POFUT3: variants seen among roughly 807,000 people sequenced by gnomAD.
The protein encoded by POFUT3 is GDP-fucose protein O-fucosyltransferase 3.
chr8:33,362,658 T>C, the POFUT3 span, among the ~76,000 whole-genome samples: 1 of 149,070 alleles, frequency 6.7e-6, no homozygotes, highest in Non-Finnish European at 1.5e-5. Context: ...CCAACAGAGA[T>C]CAAAAGAGAC....
chr8:33,342,214 A>G, the POFUT3 span, among the ~76,000 whole-genome samples: 1 of 152,030 alleles, frequency 6.6e-6, no homozygotes, highest in African/African-American at 2.4e-5. Flanking sequence ...AAAATTAGCC[A>G]GGTGTGATGG....
At chr8:33,426,163 C>T in the POFUT3 span, among the ~76,000 whole-genome samples, 2 of 152,102 alleles carry the variant, frequency 1.3e-5, no homozygotes, top group Middle Eastern at 3.2e-3. Context: ...CCTCAGCCTC[C>T]CAAAGTGGTG....
At chr8:33,396,654 A>G in the POFUT3 span, among the ~76,000 whole-genome samples, 2 of 152,250 alleles carry the variant, frequency 1.3e-5, no homozygotes, top group Non-Finnish European at 2.9e-5. Context: ...TCCTTTTAAG[A>G]AAGAAACCAT....
the POFUT3 span, among the ~76,000 whole-genome samples, chr8:33,391,609 G>A: frequency 6.6e-6 from 1 of 152,196 alleles, no homozygotes; most frequent in Non-Finnish European, 1.5e-5. Context: ...TAAGCTGGCT[G>A]AGAGGCCAAT....
chr8:33,401,728 A>C, the POFUT3 span, among the ~76,000 whole-genome samples: 1 of 152,084 alleles, frequency 6.6e-6, no homozygotes, highest in African/African-American at 2.4e-5. Context: ...GCAAAATGCA[A>C]ATTATGAAAA....
At chr8:33,325,858 C>T in the POFUT3 span, among the ~76,000 whole-genome samples, 1 of 152,106 alleles carries the variant, frequency 6.6e-6, no homozygotes, top group Non-Finnish European at 1.5e-5. Context: ...TGGCTTTAAT[C>T]CAGCCCCCTC....
the POFUT3 span, chr8:33,452,150 T>G: frequency 6.6e-6 from 1 of 152,174 alleles, no homozygotes; most frequent in East Asian, 1.9e-4. Flanking sequence ...TGTTTATGTA[T>G]GTATACGTGT....
At chr8:33,329,550 C>A in the POFUT3 span, among the ~76,000 whole-genome samples, 1 of 152,156 alleles carries the variant, frequency 6.6e-6, no homozygotes, top group Non-Finnish European at 1.5e-5. Flanking sequence ...CTGCTCAATA[C>A]TGCAAAGGGA....
At chr8:33,438,793 C>T in the POFUT3 span, among the ~76,000 whole-genome samples, 4 of 151,956 alleles carry the variant, frequency 2.6e-5, no homozygotes, top group Admixed American at 6.6e-5. Context: ...GAGAGCCGAG[C>T]GAAAGGGGAA....
the POFUT3 span, among the ~76,000 whole-genome samples, chr8:33,432,375 C>T: frequency 1.5e-3 from 227 of 150,940 alleles, no homozygotes; most frequent in African/African-American, 5.3e-3. Flanking sequence ...CCACTGCACT[C>T]CAACCTGGGC....
the POFUT3 span, among the ~76,000 whole-genome samples, chr8:33,402,203 A>G: frequency 7.0e-4 from 107 of 152,322 alleles, no homozygotes; most frequent in African/African-American, 2.4e-3. Flanking sequence ...ACAGAAGTCA[A>G]TAGTGAATAT....
chr8:33,362,790 G>A, the POFUT3 span, among the ~76,000 whole-genome samples: 334 of 152,104 alleles, frequency 2.2e-3, 1 homozygote, highest in African/African-American at 7.2e-3. Flanking sequence ...AGAGACCTAC[G>A]AAGAGACTTA....
the POFUT3 span, among the ~76,000 whole-genome samples, chr8:33,358,390 A>T: frequency 1.3e-5 from 2 of 152,372 alleles, no homozygotes; most frequent in Non-Finnish European, 2.9e-5. Flanking sequence ...CTAGATTAAC[A>T]GAGGGATGTG....
the POFUT3 span, among the ~76,000 whole-genome samples, chr8:33,318,825 A>T: frequency 4.1e-5 from 2 of 49,156 alleles, no homozygotes; most frequent in East Asian, 1.8e-3. Context: ...ATATATATAT[A>T]TTTTATATAT....
the POFUT3 span, among the ~76,000 whole-genome samples, chr8:33,362,179 G>T: frequency 6.6e-6 from 1 of 152,152 alleles, no homozygotes; most frequent in African/African-American, 2.4e-5. Context: ...AGCTTCATAA[G>T]TGAAGGATAA....
At chr8:33,400,531 G>A in the POFUT3 span, among the ~76,000 whole-genome samples, 1 of 151,986 alleles carries the variant, frequency 6.6e-6, no homozygotes, top group African/African-American at 2.4e-5. Flanking sequence ...AGGAATGCGG[G>A]ATAAAGGAAG....
chr8:33,313,573 G>T, the POFUT3 span, among the ~76,000 whole-genome samples: 1 of 151,622 alleles, frequency 6.6e-6, no homozygotes, highest in Admixed American at 6.6e-5. Context: ...GAATAAAATG[G>T]AACCATCATC....
chr8:33,362,250 C>T, the POFUT3 span, among the ~76,000 whole-genome samples: 1 of 152,050 alleles, frequency 6.6e-6, no homozygotes, highest in Non-Finnish European at 1.5e-5. Flanking sequence ...GCCTGCCTTA[C>T]AAGAGCGCCT....
chr8:33,380,191 A>ATATATATATACTATATATATATAC, the POFUT3 span, among the ~76,000 whole-genome samples: 1 of 57,012 alleles, frequency 1.8e-5, no homozygotes, highest in Non-Finnish European at 2.9e-5. Flanking sequence ...TATATATACT[A>ATATATATATACTATATATATATAC]TATATATATA....
Sources: gnomAD v4.1 joint callset for allele counts (sites outside exome capture counted in the v4.1 genomes callset) on GRCh38, gnomAD v4.1.1 for gene constraint, MANE v1.5 for transcripts, NCBI Gene and HGNC (gene_info 2026-07-23, HGNC 2026-07-21) for gene names.